TRIM46: variants seen among roughly 807,000 people sequenced by gnomAD.
TRIM46 encodes tripartite motif containing 46.
Under a neutral mutation model 69.7 loss-of-function variants are expected in TRIM46, and 17 were observed. The observed-to-expected ratio is 0.24, with a 90% CI of 0.17 to 0.37. TRIM46 has a LOEUF of 0.37. TRIM46 is among the 10% of genes least tolerant of loss of function. TRIM46 has a pLI of 1.00. For missense variants in TRIM46, 675 were observed against 1,025.1 expected, an observed-to-expected ratio of 0.66 and a Z score of 4.66; for synonymous variants, 391 against 429.0, an observed-to-expected ratio of 0.91 and a Z score of 1.09.
intron 7 of TRIM46, 92 bp from the exon 8 acceptor site, chr1:155,179,540 C>T: frequency 8.1e-7 from 1 of 1,227,326 alleles, no homozygotes; most frequent in Non-Finnish European, 1.1e-6. Context: ...ACCCCCCCGG[C>T]TCCCGCTGCT....
chr1:155,184,853 G>A lies in TRIM46; in HGVS notation c.*663G>A, dbSNP rs1490923771. ...TGGGTTGGGCCAGGCAAGGCCTCTG[G>A]TGCCCGCTGCCGTCCCCCTGCAGTG... On this transcript the variant is annotated 3_prime_UTR_variant, in exon 10 of 10. Transcript: ENST00000334634. The surrounding 1 kb of genome is among the most constrained non-coding windows in gnomAD (Gnocchi z 5.6). 2.0e-5 allele frequency: 3 copies of A among 153,082 alleles called. No individual in the cohort carries two copies. The highest frequency in any genetic ancestry group is 7.2e-5 in the African/African-American group (3 of 41,460). 9.5% of individuals were successfully genotyped at this position (153,082 alleles called of 1,614,324 possible). A position where few individuals can be genotyped will look rare whatever the true frequency, so the allele number is the denominator to read the frequency against.
intron 1 of TRIM46, chr1:155,174,965 C>T (rs1665517922): frequency 7.2e-7 from 1 of 1,386,142 alleles, no homozygotes; most frequent in Non-Finnish European, 9.3e-7. Flanking sequence ...CGGGAGGAAT[C>T]ACGGCATGGG....
intron 3 of TRIM46, 53 bp downstream of exon 3, chr1:155,176,284 G>A: frequency 6.6e-7 from 1 of 1,513,056 alleles, no homozygotes; most frequent in Non-Finnish European, 8.9e-7. Context: ...GCTGCAGGTG[G>A]GTGGGGGTGC....
intron 7 of TRIM46, 126 bp downstream of exon 7, chr1:155,178,739 T>TGGGGCCCCCCC: frequency 3.7e-6 from 5 of 1,348,454 alleles, no homozygotes; most frequent in African/African-American, 1.5e-5. Context: ...CAGCCATTCC[T>TGGGGCCCCCCC]CCCACCCAGC....
In TRIM46 at chr1:155,177,081, G is replaced by A. The variant is rs747771298; in HGVS notation, c.813+6G>A. ...GTGCCTACCAGGCCCTCAAGGTAAG[G>A]ACCCCCCTTATCCAACCCTAGTGCT... On this transcript the variant is annotated splice_donor_region_variant and intron_variant, in intron 4 of 9. Coordinates refer to ENST00000334634, the MANE Select transcript of TRIM46 (RefSeq NM_025058.5). The A allele has an allele frequency of 3.1e-6, 5 of 1,612,294 alleles. No individual in the cohort carries two copies. The highest frequency in any genetic ancestry group is 4.2e-6 in the Non-Finnish European group (5 of 1,178,568).
rs1343253579 is a variant in TRIM46, at chr1:155,181,127, C to T, written c.1589-725C>T. 6.6e-6 allele frequency among the ~76,000 whole-genome samples: 1 copy of T among 151,950 alleles called. No homozygotes were observed. Among genetic ancestry groups the T allele is most frequent in the East Asian group, 1.9e-4 (1 of 5,176 alleles). On this transcript the variant is annotated intron_variant, in intron 8 of 9. Coordinates refer to ENST00000334634, the MANE Select transcript of TRIM46 (RefSeq NM_025058.5). The surrounding 1 kb of genome is among the most constrained non-coding windows in gnomAD (Gnocchi z 4.3). ...TGGTTGCAGGCGCCTGTAATCCCAG[C>T]TACTTGGAAGGCTGAGGCAGGAGAA...
intron 6 of TRIM46, 28 bp downstream of exon 6, chr1:155,178,283 G>T: frequency 6.3e-7 from 1 of 1,575,388 alleles, no homozygotes; most frequent in Non-Finnish European, 8.6e-7. Flanking sequence ...CTCCTAGGGG[G>T]GCAGGGACAT....
Position 155,173,961 on chromosome 1 carries a change from A to G in TRIM46, c.-6A>G, listed in dbSNP as rs1234948008. 13 of 1,569,738 alleles carry G rather than the reference A, an allele frequency of 8.3e-6. No homozygotes were observed. Among genetic ancestry groups the G allele is most frequent in the African/African-American group, 1.4e-5 (1 of 73,698 alleles). ...GCACCCAGGGGCGGGCGGGCACGGT[A>G]GGGCCATGGCAGAGGGTGAGGATAT... On this transcript the variant is annotated 5_prime_UTR_variant, in exon 1 of 10. Coordinates refer to ENST00000334634, the MANE Select transcript of TRIM46 (RefSeq NM_025058.5).
Position 155,178,184 on chromosome 1 carries a change from C to G in TRIM46, c.1092C>G (p.Gly364=), listed in dbSNP as rs1571742035. The G allele has an allele frequency of 1.2e-6, 2 of 1,613,886 alleles. No individual in the cohort carries two copies. Among genetic ancestry groups the G allele is most frequent in the Admixed American group, 3.3e-5 (2 of 60,026 alleles). ...TGCTGGATGGCTCAGGTCTGGTGGGCTATGCCCAGGAAGTACTTAAGGAAA... is the reference window on the plus strand; with the variant it reads ...TGCTGGATGGCTCAGGTCTGGTGGGGTATGCCCAGGAAGTACTTAAGGAAA... The part of the protein sequence containing the change: ...RSLLDGSGLV[G]YAQEVLKETD... Residue 364 remains glycine, a synonymous_variant, in exon 6 of 10, where the codon GGC becomes GGG. Coordinates refer to ENST00000334634, the MANE Select transcript of TRIM46 (RefSeq NM_025058.5).
At chr1:155,180,049 A>G in intron 8 of TRIM46, 115 bp downstream of exon 8, 1 of 1,164,816 alleles carries the variant, frequency 8.6e-7, no homozygotes, top group South Asian at 1.6e-5. Flanking sequence ...TAGGTCTCAC[A>G]CACACTAGCT....
rs371163009 is a variant in TRIM46, at chr1:155,184,196, C to T, written c.*6C>T. The T allele has an allele frequency of 6.3e-7, 1 of 1,592,478 alleles. No homozygotes were observed. Among genetic ancestry groups the T allele is most frequent in the East Asian group, 2.2e-5 (1 of 44,524 alleles). Reference sequence around the variant, plus strand: ...GCTTCGCCAAGCTGGACTGAGCCTTCCAGGCCCCTCATGCAGACCTGGGGT... The same window carrying T: ...GCTTCGCCAAGCTGGACTGAGCCTTTCAGGCCCCTCATGCAGACCTGGGGT... On this transcript the variant is annotated 3_prime_UTR_variant, in exon 10 of 10. Transcript: ENST00000334634. The surrounding 1 kb of genome is among the most constrained non-coding windows in gnomAD (Gnocchi z 5.6).
intron 8 of TRIM46, chr1:155,180,471 T>G (rs949319829): frequency 2.3e-6 from 1 of 429,452 alleles, no homozygotes; most frequent in Non-Finnish European, 4.2e-6. Flanking sequence ...GGTGCGTGCC[T>G]ACAATTCCAG....
intron 3 of TRIM46, 128 bp downstream of exon 3, chr1:155,176,359 A>G (rs920111139): frequency 2.5e-5 from 22 of 865,608 alleles, no homozygotes; most frequent in Non-Finnish European, 3.6e-5. Flanking sequence ...CTATCTCTGT[A>G]ATCTGTCACA....
intron 3 of TRIM46, among the ~76,000 whole-genome samples, 188 bp from the exon 4 acceptor site, chr1:155,176,744 C>T (rs139442224): frequency 1.6e-3 from 249 of 152,326 alleles, no homozygotes; most frequent in East Asian, 0.012. Flanking sequence ...AAATGGGCAC[C>T]GCCCGGAGAC....
At position 155,178,235 on chromosome 1, in the gene TRIM46, C is replaced by T. The variant is rs148025409; in HGVS notation, c.1143C>T (p.Ala381=). Reference sequence around the variant, plus strand: ...CAGACCAGCCTTGCTTTGTGCAAGCCGCCAAGCAGCTGCACAACAGGTACT... The same window carrying T: ...CAGACCAGCCTTGCTTTGTGCAAGCTGCCAAGCAGCTGCACAACAGGTACT... The part of the protein sequence containing the change: ...KETDQPCFVQ[A]AKQLHNRIAR... The change falls in exon 6 of 10, where the codon GCC becomes GCT. Residue 381 remains alanine (A), a synonymous_variant. Transcript: ENST00000334634. 1.5e-4 allele frequency: 245 copies of T among 1,603,860 alleles called. No individual in the cohort carries two copies. The highest frequency in any genetic ancestry group is 1.7e-4 in the Non-Finnish European group (205 of 1,172,820).
In TRIM46 at chr1:155,174,774, G is replaced by C. The variant is rs1293409112; in HGVS notation, c.64-612G>C. 2.7e-6 allele frequency: 4 copies of C among 1,462,092 alleles called. No individual in the cohort carries two copies. In the East Asian group the frequency reaches 7.8e-5, roughly 28 times the overall value. 90.6% of individuals were successfully genotyped at this position (1,462,092 alleles called of 1,614,324 possible). Reference sequence around the variant, plus strand: ...CCGCTAGTTCGGAGAAGGGGGTGCCGCTGACCGGGTTGCGCTGCGGGAGAG... The same window carrying C: ...CCGCTAGTTCGGAGAAGGGGGTGCCCCTGACCGGGTTGCGCTGCGGGAGAG... On this transcript the variant is annotated intron_variant, in intron 1 of 9. Coordinates refer to ENST00000334634, the MANE Select transcript of TRIM46 (RefSeq NM_025058.5).
rs779798072 is a variant in TRIM46 at position 155,175,770 on chromosome 1, G to A, written c.326-118G>A. On this transcript the variant is annotated intron_variant, in intron 2 of 9. Transcript: ENST00000334634. The surrounding 1 kb of genome is among the most constrained non-coding windows in gnomAD (Gnocchi z 4.2). ...TCTGGGGGGTGGAGATACTGCTTAC[G>A]CAGGCTCTAATGAGAGCTGAGCTCT... 39 of 1,582,056 alleles carry A rather than the reference G, an allele frequency of 2.5e-5. No homozygotes were observed. Among genetic ancestry groups the A allele is most frequent in the Admixed American group, 5.1e-5 (3 of 58,664 alleles).
chr1:155,176,442 T>A (rs1163789967), intron 3 of TRIM46, among the ~76,000 whole-genome samples: 1 of 152,224 alleles, frequency 6.6e-6, no homozygotes, highest in Non-Finnish European at 1.5e-5. Context: ...GATGGTAGTA[T>A]CTGCCCTGCA....
chr1:155,178,659 T>G, intron 7 of TRIM46, 46 bp downstream of exon 7: 1 of 1,604,216 alleles, frequency 6.2e-7, no homozygotes, highest in South Asian at 1.1e-5. Flanking sequence ...CCTTCTTCCC[T>G]TCCTCCCCAG....
Sources: gnomAD v4.1 joint callset for allele counts (sites outside exome capture counted in the v4.1 genomes callset) on GRCh38, gnomAD v4.1.1 for gene constraint, Gnocchi (gnomAD v3.1) non-coding constraint, MANE v1.5 for transcripts, NCBI Gene and HGNC (gene_info 2026-07-23, HGNC 2026-07-21) for gene names.